The following CSGALNACT1 variants were observed in gnomAD, a reference collection of about 807,000 sequenced individuals.
CSGALNACT1 encodes the protein beta4GalNAcT-1.
CSGALNACT1 carries 52 observed loss-of-function variants against 51.0 expected under a neutral mutation model. The observed-to-expected ratio is 1.02, with a 90% CI of 0.82 to 1.29. The LOEUF is 1.29. CSGALNACT1 is among the 50% of genes most tolerant of loss of function. CSGALNACT1 has a pLI of 0.00. For missense variants in CSGALNACT1, 935 were observed against 679.2 expected, an observed-to-expected ratio of 1.38 and a Z score of -4.19; for synonymous variants, 341 against 254.4, an observed-to-expected ratio of 1.34 and a Z score of -3.24.
At chr8:19,635,350 A>C (rs2055891275) in intron 1 of CSGALNACT1, among the ~76,000 whole-genome samples, 1 of 152,202 alleles carries the variant, frequency 6.6e-6, no homozygotes, top group African/African-American at 2.4e-5. Flanking sequence ...TGCCTACAGC[A>C]TCTCCTGATG....
intron 1 of CSGALNACT1, among the ~76,000 whole-genome samples, chr8:19,634,024 G>C (rs562793606): frequency 6.6e-6 from 1 of 152,124 alleles, no homozygotes; most frequent in Non-Finnish European, 1.5e-5. Context: ...AAAGGTCTAC[G>C]GAAAACCCAT....
intron 3 of CSGALNACT1, among the ~76,000 whole-genome samples, chr8:19,547,217 A>AT (rs984840137): frequency 6.6e-6 from 1 of 152,190 alleles, no homozygotes; most frequent in African/African-American, 2.4e-5. Flanking sequence ...CTTTGCTGGT[A>AT]TTTTTGAGGT....
At chr8:19,695,180 GTTA>G (rs1194778926) in intron 1 of CSGALNACT1, among the ~76,000 whole-genome samples, 4 of 152,060 alleles carry the variant, frequency 2.6e-5, no homozygotes, top group Non-Finnish European at 5.9e-5. Context: ...ACAGTGCATT[GTTA>G]TTATTTTCCT....
intron 3 of CSGALNACT1, among the ~76,000 whole-genome samples, chr8:19,577,562 A>G (rs1325198955): frequency 6.6e-6 from 1 of 151,736 alleles, no homozygotes; most frequent in African/African-American, 2.4e-5. Flanking sequence ...CTATCTCAAA[A>G]AAAAAAAAAA....
chr8:19,520,679 T>C (rs2975470), intron 3 of CSGALNACT1, among the ~76,000 whole-genome samples: 3 of 152,258 alleles, frequency 2.0e-5, no homozygotes, highest in South Asian at 2.1e-4. Flanking sequence ...ATTCCACTAA[T>C]ATGTTCCCTC....
At chr8:19,450,071 AGGGGGAGGAGGG>A (rs1206733035) in intron 5 of CSGALNACT1, among the ~76,000 whole-genome samples, 9 of 52,676 alleles carry the variant, frequency 1.7e-4, no homozygotes, top group Admixed American at 1.6e-3. Context: ...AAGAAGAAAG[AGGGGGAGGAGGG>A]GGAGGAGGAG....
At chr8:19,643,739 T>G (rs1308818745) in intron 1 of CSGALNACT1, among the ~76,000 whole-genome samples, 1 of 152,186 alleles carries the variant, frequency 6.6e-6, no homozygotes, top group African/African-American at 2.4e-5. Context: ...AACTGAGACT[T>G]GAGAAAACAT....
chr8:19,521,911 G>T (rs544732659), intron 3 of CSGALNACT1, among the ~76,000 whole-genome samples: 102 of 152,326 alleles, frequency 6.7e-4, no homozygotes, highest in African/African-American at 2.4e-3. Context: ...CAATCCCTGC[G>T]TCGTGGTAAG....
At position 19,558,294 on chromosome 8, in the gene CSGALNACT1, A is replaced by G. The variant is rs184827703; in HGVS notation, c.-297+32866T>C. The stretch of plus-strand genomic sequence containing the variant: ...GATTCATGGCTCTTTAACATATCCA[A>G]TGTGATTTGATTGCCAGTATCATGT... On this transcript the variant is annotated intron_variant, in intron 3 of 9. Coordinates refer to ENST00000454498, the Ensembl canonical transcript of CSGALNACT1. 6.4e-3 allele frequency among the ~76,000 whole-genome samples: 972 copies of G among 152,278 alleles called. 7 individuals carry two copies. The highest frequency in any genetic ancestry group is 0.014 in the Middle Eastern group (4 of 294).
upstream of CSGALNACT1, among the ~76,000 whole-genome samples, chr8:19,604,731 C>A (rs1221639190): frequency 6.8e-6 from 1 of 147,318 alleles, no homozygotes; most frequent in Non-Finnish European, 1.5e-5. Flanking sequence ...CACAGTGAAA[C>A]CCCGTCTCTA....
At chr8:19,482,772 A>G (rs149830906) in intron 4 of CSGALNACT1, among the ~76,000 whole-genome samples, 419 of 152,292 alleles carry the variant, frequency 2.8e-3, no homozygotes, top group Middle Eastern at 6.8e-3. Context: ...ATTTGCATCA[A>G]TAAGTCCTAA....
At chr8:19,540,120 GGCTATTCCCATGGCAT>G (rs1189420398) in intron 3 of CSGALNACT1, among the ~76,000 whole-genome samples, 2 of 152,078 alleles carry the variant, frequency 1.3e-5, no homozygotes, top group African/African-American at 4.8e-5. Flanking sequence ...TGAAAAAAAT[GGCTATTCCCATGGCAT>G]GTGTTTTACA....
chr8:19,408,721 G>A, intron 8 of CSGALNACT1, 27 bp from the exon 8 acceptor site: 7 of 1,608,992 alleles, frequency 4.4e-6, no homozygotes, highest in Non-Finnish European at 6.0e-6. Flanking sequence ...GTCATTTGAG[G>A]GGAAAGTTTA....
At chr8:19,452,418 GA>G (rs58527794) in intron 5 of CSGALNACT1, among the ~76,000 whole-genome samples, 62,155 of 146,392 alleles carry the variant, frequency 0.42, 14,141 homozygotes, top group East Asian at 0.85. Context: ...ACCCCTGGGG[GA>G]AAAAAAAAAA....
intron 1 of CSGALNACT1, among the ~76,000 whole-genome samples, chr8:19,657,339 A>G (rs2058373050): frequency 6.7e-6 from 1 of 148,870 alleles, no homozygotes; most frequent in African/African-American, 2.5e-5. Context: ...CATGTCTAAC[A>G]GATCCAATCG....
intron 8 of CSGALNACT1, 94 bp downstream of exon 7, chr8:19,418,562 G>T (rs1476184319): frequency 7.1e-6 from 6 of 844,352 alleles, no homozygotes; most frequent in Non-Finnish European, 1.2e-5. Context: ...TCATTGCACA[G>T]ATTTCTACTC....
intron 3 of CSGALNACT1, among the ~76,000 whole-genome samples, chr8:19,533,952 T>C (rs972476350): frequency 6.6e-6 from 1 of 152,112 alleles, no homozygotes; most frequent in Admixed American, 6.6e-5. Flanking sequence ...TCTCCCCAGA[T>C]TTTTTGGCAT....
At chr8:19,634,702 C>G (rs977998514) in intron 1 of CSGALNACT1, among the ~76,000 whole-genome samples, 1 of 152,108 alleles carries the variant, frequency 6.6e-6, no homozygotes, top group Non-Finnish European at 1.5e-5. Context: ...AGCTTGCTTT[C>G]TCTTTCAGCC....
intron 5 of CSGALNACT1, among the ~76,000 whole-genome samples, chr8:19,440,558 G>A (rs1023992361): frequency 2.0e-5 from 3 of 152,004 alleles, no homozygotes; most frequent in African/African-American, 4.8e-5. Flanking sequence ...GGTATTGATG[G>A]GACGTATTTC....
Sources: gnomAD v4.1 joint callset for allele counts (sites outside exome capture counted in the v4.1 genomes callset) on GRCh38, gnomAD v4.1.1 for gene constraint, MANE v1.5 for transcripts, NCBI Gene and HGNC (gene_info 2026-07-23, HGNC 2026-07-21) for gene names.